The following SENP1 variants were observed in gnomAD, a reference collection of about 807,000 sequenced individuals.
SENP1 encodes the protein sentrin-specific protease 1.
A neutral mutation model predicts 93.0 loss-of-function variants in SENP1; 21 were observed. The ratio of observed to expected loss-of-function variants is 0.23; its 90% CI spans 0.16 to 0.33. SENP1 has a LOEUF of 0.33. SENP1 is among the 10% of genes least tolerant of loss of function. The pLI is 1.00. For synonymous variants in SENP1, 256 were observed against 259.6 expected (o/e 0.99, Z 0.13); for missense variants, 591 against 758.7 (o/e 0.78, Z 2.60).
Position 48,098,132 on chromosome 12 carries a change from G to C in SENP1, c.5-8C>G, listed in dbSNP as rs1415560219. 1.2e-6 allele frequency: 2 copies of C among 1,611,560 alleles called. No individual in the cohort carries two copies. The highest frequency in any genetic ancestry group is 1.7e-6 in the Non-Finnish European group (2 of 1,178,508). ...TCCTATCAGCAATATCATCTGGGGA[G>C]ACAGTCTGGATTAGTTCAAGTCACA... is the stretch of plus-strand genomic sequence containing the variant. On this transcript the variant is annotated splice_region_variant and splice_polypyrimidine_tract_variant and intron_variant, in intron 2 of 17. Coordinates refer to ENST00000549518, the MANE Select transcript of SENP1 (RefSeq NM_001267594.2).
intron 15 of SENP1, 46 bp from the exon 16 acceptor site, chr12:48,047,108 T>C: frequency 8.3e-7 from 1 of 1,200,112 alleles, no homozygotes; most frequent in Non-Finnish European, 1.2e-6. Context: ...GGAACATCGA[T>C]GACAGCTGCC....
chr12:48,105,309 C>T (rs1048631718), intron 1 of SENP1: 1 of 505,316 alleles, frequency 2.0e-6, no homozygotes, highest in African/African-American at 1.9e-5. Flanking sequence ...CACCGATAAA[C>T]AGAAATCACC....
At chr12:48,090,886 G>C (rs1334122048) in intron 4 of SENP1, among the ~76,000 whole-genome samples, 1 of 152,142 alleles carries the variant, frequency 6.6e-6, no homozygotes, top group African/African-American at 2.4e-5. Flanking sequence ...TAATACAAGT[G>C]AGCCACTGTG....
At chr12:48,074,289 G>C (rs369292097) in intron 8 of SENP1, 35 bp downstream of exon 8, 6 of 1,544,028 alleles carry the variant, frequency 3.9e-6, no homozygotes, top group Non-Finnish European at 4.4e-6. Flanking sequence ...TTGGCTATTA[G>C]GACTAAAAAT....
At chr12:48,057,076 ATATTATATAT>A in intron 13 of SENP1, among the ~76,000 whole-genome samples, 2 of 61,062 alleles carry the variant, frequency 3.3e-5, no homozygotes, top group African/African-American at 2.2e-4. Flanking sequence ...ATTATTTAAT[ATATTATATAT>A]TACATATATA....
rs1461867311 is a variant in SENP1 at position 48,046,345 on chromosome 12, G to A, written c.1872+11C>T. 6.3e-7 allele frequency: 1 copy of A among 1,591,110 alleles called. No homozygotes were observed. The highest frequency in any genetic ancestry group is 1.7e-5 in the Admixed American group (1 of 59,864). ...GTAATCCTAGAGCTCCCTATGGAAG[G>A]CTCAGCTCACCTGTGTGAAGTTGAT... On this transcript the variant is annotated intron_variant, in intron 17 of 17. Coordinates refer to ENST00000549518, the MANE Select transcript of SENP1 (RefSeq NM_001267594.2).
chr12:48,074,656 T>C lies in SENP1; in HGVS notation c.656+34A>G, dbSNP rs1267685167. ...CAATATCAAGTAATAAATTGTAGAA[T>C]TAAATTCATCTGAAATATGCTTCTG... On this transcript the variant is annotated intron_variant, in intron 7 of 17. Transcript: ENST00000549518. 11 of 1,608,100 alleles carry C rather than the reference T, an allele frequency of 6.8e-6. No homozygotes were observed. In the East Asian group the frequency reaches 1.8e-4, roughly 26 times the overall value.
At chr12:48,073,749 G>C (rs533938810) in intron 8 of SENP1, among the ~76,000 whole-genome samples, 1 of 152,276 alleles carries the variant, frequency 6.6e-6, no homozygotes, top group South Asian at 2.1e-4. Context: ...TTTATCTGAT[G>C]TTTCAAAACT....
chr12:48,102,450 A>C (rs918163416), intron 1 of SENP1, among the ~76,000 whole-genome samples: 3 of 150,400 alleles, frequency 2.0e-5, no homozygotes, highest in Non-Finnish European at 3.0e-5. Context: ...AAAAAAAAAA[A>C]AAAACCAAAC....
At chr12:48,080,745 G>A (rs1356817965) in intron 6 of SENP1, among the ~76,000 whole-genome samples, 1 of 152,124 alleles carries the variant, frequency 6.6e-6, no homozygotes, top group Non-Finnish European at 1.5e-5. Flanking sequence ...CCAATATTTT[G>A]TATTATTCAT....
At chr12:48,089,390 G>A in intron 4 of SENP1, 1 of 1,189,478 alleles carries the variant, frequency 8.4e-7, no homozygotes, top group Non-Finnish European at 1.1e-6. Flanking sequence ...TAAGCAGCTA[G>A]TGTCACTTTC....
At chr12:48,099,389 G>T (rs1945773164) in intron 2 of SENP1, among the ~76,000 whole-genome samples, 1 of 151,994 alleles carries the variant, frequency 6.6e-6, no homozygotes, top group Non-Finnish European at 1.5e-5. Flanking sequence ...GCTCCCAAAA[G>T]AAACTTTTTA....
intron 2 of SENP1, among the ~76,000 whole-genome samples, chr12:48,099,331 AAAC>A (rs367878433): frequency 5.3e-4 from 80 of 151,176 alleles, no homozygotes; most frequent in Non-Finnish European, 9.0e-4. Context: ...CTGTCTCAGA[AAAC>A]AACAACAACA....
At chr12:48,050,775 T>C (rs1941740787) in intron 13 of SENP1, among the ~76,000 whole-genome samples, 1 of 152,196 alleles carries the variant, frequency 6.6e-6, no homozygotes, top group South Asian at 2.1e-4. Context: ...CTATGTTCTC[T>C]AATGAGGAAA....
chr12:48,072,862 GC>G (rs1943803570), intron 8 of SENP1, among the ~76,000 whole-genome samples: 1 of 152,106 alleles, frequency 6.6e-6, no homozygotes. Context: ...ATGGTTTCAA[GC>G]ATCCACTGGT....
chr12:48,089,752 A>T (rs1945104992), intron 4 of SENP1, among the ~76,000 whole-genome samples: 1 of 152,204 alleles, frequency 6.6e-6, no homozygotes, highest in Non-Finnish European at 1.5e-5. Flanking sequence ...CTCCCTCAAA[A>T]TAACTTCAGA....
chr12:48,061,983 T>C (rs1259549499), intron 13 of SENP1, among the ~76,000 whole-genome samples: 1 of 152,128 alleles, frequency 6.6e-6, no homozygotes. Flanking sequence ...AATCTTTCCT[T>C]CTTCTCATCT....
Position 48,074,882 on chromosome 12 carries a change from T to C in SENP1, c.553-89A>G, listed in dbSNP as rs564348595. The C allele has an allele frequency of 4.8e-6, 4 of 835,986 alleles. No individual in the cohort carries two copies. In the Admixed American group the frequency reaches 7.5e-5, roughly 16 times the overall value. 51.8% of individuals were successfully genotyped at this position (835,986 alleles called of 1,614,324 possible). A position where few individuals can be genotyped will look rare whatever the true frequency, so the allele number is the denominator to read the frequency against. On this transcript the variant is annotated intron_variant, in intron 6 of 17. Transcript: ENST00000549518. ...TAGCATGTAAACAGAATCCTAGCTC[T>C]GCCAAAGCTCAGGCAGAATCCTTAA...
rs776047499 is a variant in SENP1, at chr12:48,097,986, C to T, written c.135+8G>A. ...TTAATTAATTAAAGGAAGAAAATTG[C>T]TCCTAACCTGCTGGTCAGAAAGCGA... On this transcript the variant is annotated splice_region_variant and intron_variant, in intron 3 of 17. Coordinates refer to ENST00000549518, the MANE Select transcript of SENP1 (RefSeq NM_001267594.2). 1.9e-6 allele frequency: 3 copies of T among 1,612,008 alleles called. No homozygotes were observed. The highest frequency in any genetic ancestry group is 2.7e-5 in the African/African-American group (2 of 74,870).
Sources: allele counts gnomAD v4.1 joint callset (sites outside exome capture counted in the v4.1 genomes callset), GRCh38; gene constraint gnomAD v4.1.1; transcripts MANE v1.5; gene names NCBI Gene and HGNC (gene_info 2026-07-23, HGNC 2026-07-21).